UBTD2: variants seen among roughly 807,000 people sequenced by gnomAD.
UBTD2 encodes the protein ubiquitin domain containing 2.
Under a neutral mutation model 19.8 loss-of-function variants are expected in UBTD2, and 9 were observed. That is an observed-to-expected ratio of 0.46 (90% CI 0.27 to 0.79). UBTD2 has a LOEUF of 0.79. Among genes scored for constraint, UBTD2 ranks in the 30% least tolerant of loss-of-function variants. The pLI is 0.14. For missense variants in UBTD2, 250 were observed against 300.4 expected (o/e 0.83, Z 1.24); for synonymous variants, 98 against 103.9 (o/e 0.94, Z 0.35).
intron 1 of UBTD2, among the ~76,000 whole-genome samples, chr5:172,271,758 A>C (rs1755497407): frequency 6.6e-6 from 1 of 152,226 alleles, no homozygotes; most frequent in African/African-American, 2.4e-5. Flanking sequence ...ATTCATAATT[A>C]AATGAACTGA....
chr5:172,247,521 A>C (rs914172239), intron 1 of UBTD2, among the ~76,000 whole-genome samples: 5 of 152,304 alleles, frequency 3.3e-5, no homozygotes, highest in East Asian at 3.9e-4. Flanking sequence ...AACAAAAAAC[A>C]ACCACCACCA....
chr5:172,216,197 C>T lies in UBTD2; in HGVS notation c.308-3970G>A, dbSNP rs533045908. Reference sequence around the variant, plus strand: ...ACAAAAAACAAATAAACAACAACTACAACAAAAAAGCCCAAAAAACCCCAT... The same window carrying T: ...ACAAAAAACAAATAAACAACAACTATAACAAAAAAGCCCAAAAAACCCCAT... On this transcript the variant is annotated intron_variant, in intron 2 of 2. Coordinates refer to ENST00000393792, the MANE Select transcript of UBTD2 (RefSeq NM_152277.3). Among the ~76,000 whole-genome samples the T allele has an allele frequency of 2.6e-5, 4 of 151,516 alleles. No homozygotes were observed. The South Asian group carries it at 6.3e-4, about 24-fold the overall frequency.
At chr5:172,232,771 G>C (rs1445072415) in intron 2 of UBTD2, among the ~76,000 whole-genome samples, 1 of 151,702 alleles carries the variant, frequency 6.6e-6, no homozygotes, top group Non-Finnish European at 1.5e-5. Flanking sequence ...GTAGTACCAG[G>C]TACTTGAGAA....
intron 1 of UBTD2, among the ~76,000 whole-genome samples, chr5:172,265,902 A>C (rs1216582370): frequency 6.6e-6 from 1 of 151,284 alleles, no homozygotes; most frequent in Non-Finnish European, 1.5e-5. Flanking sequence ...AGTTTTAAGA[A>C]CTGTAATAAA....
Position 172,234,413 on chromosome 5 carries a change from CA to C in UBTD2, c.71-56del, listed in dbSNP as rs1483980513. 1.3e-5 allele frequency: 18 copies of C among 1,392,746 alleles called. No individual in the cohort carries two copies. The South Asian group carries it at 2.0e-4, about 15-fold the overall frequency. 86.3% of individuals were successfully genotyped at this position (1,392,746 alleles called of 1,614,324 possible). A position where few individuals can be genotyped will look rare whatever the true frequency, so the allele number is the denominator to read the frequency against. ...AACCCAAAATTTATAAAATATGTAT[CA>C]AAAGTTATCTGGTCATTCCTCTCTT... On this transcript the variant is annotated intron_variant, in intron 1 of 2. Transcript: ENST00000393792.
rs1420788401 is a variant in UBTD2 at position 172,211,142 on chromosome 5, GA to G, written c.*687del. ...GATGAAATTATTGCCTAGTGTTCCAGAAGGGTGCCTGCCACTAATGTGCTGG... is the reference window on the plus strand; with the variant it reads ...GATGAAATTATTGCCTAGTGTTCCAGAGGGTGCCTGCCACTAATGTGCTGG... On this transcript the variant is annotated 3_prime_UTR_variant, in exon 3 of 3. Transcript: ENST00000393792. 1 of 152,196 alleles carries G rather than the reference GA, an allele frequency of 6.6e-6. No homozygotes were observed. Among genetic ancestry groups the G allele is most frequent in the Non-Finnish European group, 1.5e-5 (1 of 68,042 alleles). The allele number at this position is 152,196 out of a possible 1,614,324, so 9.4% of individuals were successfully genotyped here.
chr5:172,251,841 A>C (rs537767622), intron 1 of UBTD2, among the ~76,000 whole-genome samples: 1 of 152,368 alleles, frequency 6.6e-6, no homozygotes, highest in Non-Finnish European at 1.5e-5. Context: ...TGGTGAAAGT[A>C]AAATTCAGAA....
At chr5:172,258,831 C>T (rs1410757641) in intron 1 of UBTD2, among the ~76,000 whole-genome samples, 1 of 152,042 alleles carries the variant, frequency 6.6e-6, no homozygotes, top group Non-Finnish European at 1.5e-5. Context: ...CTAAAGTTTC[C>T]GATCTAGGAG....
chr5:172,215,934 C>CG (rs1212290769), intron 2 of UBTD2, among the ~76,000 whole-genome samples: 5 of 152,238 alleles, frequency 3.3e-5, no homozygotes, highest in African/African-American at 9.6e-5. Flanking sequence ...GAGGTTGAGG[C>CG]GGGGGTATCA....
At position 172,216,591 on chromosome 5, in the gene UBTD2, CAAAAAAAAAAAAAA is replaced by C. The variant is rs57657254; in HGVS notation, c.308-4378_308-4365del. On this transcript the variant is annotated intron_variant, in intron 2 of 2. Coordinates refer to ENST00000393792, the MANE Select transcript of UBTD2 (RefSeq NM_152277.3). ...AACATAGGGAAACCCCATCTCTACC[CAAAAAAAAAAAAAA>C]AAAAAAAAAAAAAAGCCAGAGGGGG... Among the ~76,000 whole-genome samples the C allele has an allele frequency of 1.4e-3, 51 of 36,936 alleles. No individual in the cohort carries two copies. The South Asian group carries it at 0.07, about 51-fold the overall frequency. The allele number at this position is 36,936 out of a possible 152,430, so 24.2% of individuals were successfully genotyped here.
At chr5:172,261,367 T>C (rs1342606232) in intron 1 of UBTD2, among the ~76,000 whole-genome samples, 2 of 152,236 alleles carry the variant, frequency 1.3e-5, no homozygotes, top group African/African-American at 4.8e-5. Flanking sequence ...TATTAATCTT[T>C]CTACAGATTA....
chr5:172,230,290 G>A (rs1472393931), intron 2 of UBTD2, among the ~76,000 whole-genome samples: 1 of 152,074 alleles, frequency 6.6e-6, no homozygotes, highest in African/African-American at 2.4e-5. Flanking sequence ...ATGTTATTTT[G>A]TTCTCCAGCC....
intron 2 of UBTD2, among the ~76,000 whole-genome samples, chr5:172,222,810 T>C (rs1009850401): frequency 6.6e-6 from 1 of 152,192 alleles, no homozygotes; most frequent in African/African-American, 2.4e-5. Flanking sequence ...AATCTGATAG[T>C]AAGATTCAGG....
Position 172,211,932 on chromosome 5 carries a change from G to C in UBTD2, c.603C>G (p.Leu201=), listed in dbSNP as rs1192202153. The change falls in exon 3 of 3, where the codon CTC becomes CTG. Residue 201 remains leucine (L), a synonymous_variant. Coordinates refer to ENST00000393792, the MANE Select transcript of UBTD2 (RefSeq NM_152277.3). ...GCTCTTCGAACTTCATTTTGTCAGTGAGAGGTCTGCCAGAAAAAAACCACC... is the reference window on the plus strand; with the variant it reads ...GCTCTTCGAACTTCATTTTGTCAGTCAGAGGTCTGCCAGAAAAAAACCACC... ...SQRWFFSGRP[L]TDKMKFEELK... The C allele has an allele frequency of 3.1e-6, 5 of 1,614,058 alleles. No homozygotes were observed. Among genetic ancestry groups the C allele is most frequent in the Non-Finnish European group, 4.2e-6 (5 of 1,180,048 alleles).
chr5:172,209,693 A>G lies in UBTD2; in HGVS notation c.*2137T>C, dbSNP rs1007589237. Reference sequence around the variant, plus strand: ...TTTAAAAAAAGCACATAAACCCTACATACTAAAATTATACACATCAAGTAC... The same window carrying G: ...TTTAAAAAAAGCACATAAACCCTACGTACTAAAATTATACACATCAAGTAC... On this transcript the variant is annotated 3_prime_UTR_variant, in exon 3 of 3. Coordinates refer to ENST00000393792, the MANE Select transcript of UBTD2 (RefSeq NM_152277.3). The G allele has an allele frequency of 2.0e-5, 3 of 152,164 alleles. No individual in the cohort carries two copies. Among genetic ancestry groups the G allele is most frequent in the South Asian group, 2.1e-4 (1 of 4,812 alleles). 9.4% of individuals were successfully genotyped at this position (152,164 alleles called of 1,614,324 possible).
chr5:172,258,739 T>C (rs1307077756), intron 1 of UBTD2, among the ~76,000 whole-genome samples: 1 of 152,210 alleles, frequency 6.6e-6, no homozygotes, highest in Non-Finnish European at 1.5e-5. Flanking sequence ...AACTGTATTC[T>C]TGATTTAGCT....
At chr5:172,260,083 C>T (rs1755235627) in intron 1 of UBTD2, among the ~76,000 whole-genome samples, 3 of 151,452 alleles carry the variant, frequency 2.0e-5, no homozygotes, top group Non-Finnish European at 2.9e-5. Context: ...CACCCCCACC[C>T]CCAACAAAAA....
At chr5:172,269,957 AT>A (rs1239340256) in intron 1 of UBTD2, among the ~76,000 whole-genome samples, 1 of 151,440 alleles carries the variant, frequency 6.6e-6, no homozygotes, top group East Asian at 2.0e-4. Context: ...CATGCCTGTA[AT>A]CCCAGCTACT....
rs564942164 is a variant in UBTD2, at chr5:172,272,904, C to A, written c.70+10692G>T. On this transcript the variant is annotated intron_variant, in intron 1 of 2. Transcript: ENST00000393792. ...GACCATCCTGACCAACATGGTGAAA[C>A]CCCATCTCTACTAAAAATACAAAAA... Among the ~76,000 whole-genome samples the A allele has an allele frequency of 2.6e-5, 4 of 151,996 alleles. No individual in the cohort carries two copies. The East Asian group carries it at 7.8e-4, about 30-fold the overall frequency.
Sources: gnomAD v4.1 joint callset for allele counts (sites outside exome capture counted in the v4.1 genomes callset) on GRCh38, gnomAD v4.1.1 for gene constraint, MANE v1.5 for transcripts, NCBI Gene and HGNC (gene_info 2026-07-23, HGNC 2026-07-21) for gene names.